The following PDZRN4 variants were observed in gnomAD, a reference collection of about 807,000 sequenced individuals.
PDZRN4 encodes the protein PDZ domain-containing RING finger protein 4.
PDZRN4 carries 70 observed loss-of-function variants against 99.0 expected under a neutral mutation model. The ratio of observed to expected loss-of-function variants is 0.71; its 90% CI spans 0.58 to 0.86. PDZRN4 has a LOEUF of 0.86. Among genes scored for constraint, PDZRN4 ranks in the 40% least tolerant of loss-of-function variants. The pLI is 0.00. For missense variants in PDZRN4, 1,474 were observed against 1,331.2 expected (o/e 1.11, Z -1.67); for synonymous variants, 551 against 501.6 (o/e 1.10, Z -1.32).
intron 8 of PDZRN4, among the ~76,000 whole-genome samples, chr12:41,564,819 G>T (rs1939336721): frequency 6.6e-6 from 1 of 152,030 alleles, no homozygotes; most frequent in Non-Finnish European, 1.5e-5. Context: ...TCTCAACCCA[G>T]TTATCTCGCT....
At chr12:41,308,734 T>C (rs910669587) in intron 3 of PDZRN4, among the ~76,000 whole-genome samples, 3 of 152,244 alleles carry the variant, frequency 2.0e-5, no homozygotes, top group Admixed American at 6.5e-5. Context: ...CATGTACTTA[T>C]ATTTGAATAC....
intron 3 of PDZRN4, among the ~76,000 whole-genome samples, chr12:41,413,950 T>A (rs1403449541): frequency 6.6e-6 from 1 of 152,198 alleles, no homozygotes; most frequent in Non-Finnish European, 1.5e-5. Context: ...GTAGCAGGTA[T>A]CATTCTTTCA....
intron 3 of PDZRN4, among the ~76,000 whole-genome samples, chr12:41,267,383 C>T (rs185431812): frequency 6.7e-4 from 102 of 151,956 alleles, no homozygotes; most frequent in African/African-American, 2.4e-3. Flanking sequence ...AACCTGAATG[C>T]CATTCCTATA....
At chr12:41,252,063 C>T (rs988644353) in intron 3 of PDZRN4, among the ~76,000 whole-genome samples, 2 of 151,970 alleles carry the variant, frequency 1.3e-5, no homozygotes. Context: ...ATGCAGTAAG[C>T]CATCATCAAG....
At chr12:41,393,170 A>G (rs1275890701) in intron 3 of PDZRN4, among the ~76,000 whole-genome samples, 4 of 152,196 alleles carry the variant, frequency 2.6e-5, no homozygotes, top group Admixed American at 2.0e-4. Context: ...GAGTATTTAG[A>G]AGTAGTACTT....
At chr12:41,496,235 G>T (rs766428821) in intron 3 of PDZRN4, among the ~76,000 whole-genome samples, 16 of 152,056 alleles carry the variant, frequency 1.1e-4, no homozygotes, top group Admixed American at 3.9e-4. Context: ...TACTGTCATT[G>T]TCACTGCCAG....
At chr12:41,346,190 C>T (rs527321135) in intron 3 of PDZRN4, among the ~76,000 whole-genome samples, 9 of 152,260 alleles carry the variant, frequency 5.9e-5, no homozygotes, top group South Asian at 2.1e-4. Context: ...GGGCCGGGCA[C>T]GGTGGCTCAC....
At chr12:41,562,051 G>A (rs17129486) in intron 7 of PDZRN4, among the ~76,000 whole-genome samples, 14,863 of 152,030 alleles carry the variant, frequency 0.098, 1,829 homozygotes, top group African/African-American at 0.27. Flanking sequence ...TTGTGGAATC[G>A]TAGCTTCTGT....
intron 3 of PDZRN4, among the ~76,000 whole-genome samples, chr12:41,226,354 A>AT (rs562422019): frequency 2.6e-5 from 4 of 151,650 alleles, no homozygotes; most frequent in Non-Finnish European, 5.9e-5. Flanking sequence ...ATGTACCTAG[A>AT]TTTTTTTTCC....
intron 3 of PDZRN4, among the ~76,000 whole-genome samples, chr12:41,326,727 T>C (rs941654831): frequency 6.6e-6 from 1 of 152,130 alleles, no homozygotes; most frequent in Non-Finnish European, 1.5e-5. Flanking sequence ...GAGTCCTAAC[T>C]AGATGCACAT....
chr12:41,200,128 T>G (rs1185285481), intron 3 of PDZRN4, among the ~76,000 whole-genome samples: 2 of 152,186 alleles, frequency 1.3e-5, no homozygotes, highest in African/African-American at 4.8e-5. Flanking sequence ...GTTTAATTCA[T>G]GATTACAAAT....
At chr12:41,261,066 C>T (rs1003889096) in intron 3 of PDZRN4, among the ~76,000 whole-genome samples, 2 of 151,930 alleles carry the variant, frequency 1.3e-5, no homozygotes, top group Admixed American at 1.3e-4. Context: ...ATTATGTTGC[C>T]TCATAAATTC....
chr12:41,307,199 A>G (rs2120941994), intron 3 of PDZRN4, among the ~76,000 whole-genome samples: 1 of 152,234 alleles, frequency 6.6e-6, no homozygotes, highest in Middle Eastern at 3.4e-3. Flanking sequence ...AGCAAATACC[A>G]TAGACTAGGT....
At chr12:41,400,875 C>T (rs1200803554) in intron 3 of PDZRN4, among the ~76,000 whole-genome samples, 1 of 152,124 alleles carries the variant, frequency 6.6e-6, no homozygotes, top group Non-Finnish European at 1.5e-5. Context: ...ATTAGCCCTC[C>T]TTTGCTTTCC....
At position 41,566,870 on chromosome 12, in the gene PDZRN4, G is replaced by A. The variant is rs185538341; in HGVS notation, c.1468-913G>A. On this transcript the variant is annotated intron_variant, in intron 8 of 9. Coordinates refer to ENST00000402685, the MANE Select transcript of PDZRN4 (RefSeq NM_001164595.2). Reference sequence around the variant, plus strand: ...TAATCCAGTTAATTTAATCAGCATAGACAGCTAATTTATGTAATCCAGCTC... The same window carrying A: ...TAATCCAGTTAATTTAATCAGCATAAACAGCTAATTTATGTAATCCAGCTC... Among the ~76,000 whole-genome samples the A allele has an allele frequency of 4.6e-5, 7 of 152,266 alleles. No individual in the cohort carries two copies. In the East Asian group the frequency reaches 1.4e-3, roughly 29 times the overall value.
At chr12:41,312,870 A>T (rs1414994195) in intron 3 of PDZRN4, among the ~76,000 whole-genome samples, 1 of 151,998 alleles carries the variant, frequency 6.6e-6, no homozygotes, top group Non-Finnish European at 1.5e-5. Context: ...AGGCAATTTC[A>T]TTCAACCCTG....
At chr12:41,422,354 G>C (rs1366605376) in intron 3 of PDZRN4, among the ~76,000 whole-genome samples, 11 of 152,138 alleles carry the variant, frequency 7.2e-5, no homozygotes. Context: ...GTACTGATCA[G>C]ATTATCTGGC....
chr12:41,280,556 A>G (rs1324433290), intron 3 of PDZRN4, among the ~76,000 whole-genome samples: 1 of 152,162 alleles, frequency 6.6e-6, no homozygotes, highest in Non-Finnish European at 1.5e-5. Flanking sequence ...CTGAGGCTTA[A>G]TTAGACAGTA....
chr12:41,229,484 G>A (rs1003028294), intron 3 of PDZRN4, among the ~76,000 whole-genome samples: 1 of 152,030 alleles, frequency 6.6e-6, no homozygotes, highest in Admixed American at 6.6e-5. Context: ...AGCCTGTTAT[G>A]ATTGCACACT....
Sources: gnomAD v4.1 joint callset for allele counts (sites outside exome capture counted in the v4.1 genomes callset) on GRCh38, gnomAD v4.1.1 for gene constraint, MANE v1.5 for transcripts, NCBI Gene and HGNC (gene_info 2026-07-23, HGNC 2026-07-21) for gene names.